Variants in ERICH2 observed in about 807,000 individuals in gnomAD.
ERICH2 encodes glutamate rich 2.
A neutral mutation model predicts 17.4 loss-of-function variants in ERICH2; 17 were observed. The ratio of observed to expected loss-of-function variants is 0.98; its 90% CI spans 0.67 to 1.47. The LOEUF is 1.47. ERICH2 is among the 40% of genes most tolerant of loss of function. The pLI is 0.00. For synonymous variants in ERICH2, 51 were observed against 61.1 expected, an observed-to-expected ratio of 0.83 and a Z score of 0.77; for missense variants, 186 against 183.2, an observed-to-expected ratio of 1.01 and a Z score of -0.09.
chr2:170,794,934 G>C (rs777689568), intron 3 of ERICH2, among the ~76,000 whole-genome samples: 2 of 152,144 alleles, frequency 1.3e-5, no homozygotes, highest in Non-Finnish European at 2.9e-5. Context: ...TTGACCTTTA[G>C]AGCCATTGAA....
chr2:170,790,990 C>T (rs1575410000), intron 2 of ERICH2, among the ~76,000 whole-genome samples: 1 of 151,392 alleles, frequency 6.6e-6, no homozygotes, highest in East Asian at 1.9e-4. Context: ...AAACATAAAA[C>T]AAGAAAAATA....
At chr2:170,795,373 G>A (rs952287684) in intron 3 of ERICH2, among the ~76,000 whole-genome samples, 2 of 151,792 alleles carry the variant, frequency 1.3e-5, no homozygotes, top group South Asian at 2.1e-4. Flanking sequence ...TTTGAGGCAC[G>A]GTCTCACTCT....
upstream of ERICH2, among the ~76,000 whole-genome samples, chr2:170,781,838 G>A (rs1485254201): frequency 8.5e-6 from 1 of 117,792 alleles, no homozygotes; most frequent in Non-Finnish European, 2.0e-5. Context: ...ATGTCCAAGG[G>A]CTAATATTAG....
intron 2 of ERICH2, among the ~76,000 whole-genome samples, chr2:170,789,540 C>T (rs1227414053): frequency 6.6e-6 from 1 of 152,174 alleles, no homozygotes; most frequent in Admixed American, 6.5e-5. Flanking sequence ...AGTTGTTAAG[C>T]ATCTCTTTAT....
At chr2:170,784,517 TAA>T (rs1460613754) in intron 1 of ERICH2, 127 bp from the exon 7 acceptor site, 9 of 505,878 alleles carry the variant, frequency 1.8e-5, no homozygotes, top group Admixed American at 3.8e-5. Context: ...GTTTTGAATA[TAA>T]GTTTGTTATG....
intron 3 of ERICH2, 59 bp downstream of exon 8, chr2:170,792,979 C>G: frequency 9.8e-7 from 1 of 1,015,878 alleles, no homozygotes; most frequent in Admixed American, 2.6e-5. Context: ...AAATGAATTC[C>G]GTAATATATA....
chr2:170,787,693 AAT>A (rs1401707913), intron 2 of ERICH2, among the ~76,000 whole-genome samples: 1 of 152,204 alleles, frequency 6.6e-6, no homozygotes, highest in African/African-American at 2.4e-5. Flanking sequence ...CTCTTTTGAA[AAT>A]TATAGCCACC....
intron 2 of ERICH2, among the ~76,000 whole-genome samples, chr2:170,791,674 A>G (rs929942954): frequency 6.6e-6 from 1 of 151,824 alleles, no homozygotes; most frequent in Non-Finnish European, 1.5e-5. Context: ...TGGGCGACAG[A>G]GCGAGACTCC....
chr2:170,784,635 T>G lies in ERICH2; in HGVS notation c.29-11T>G, dbSNP rs1701109278. The G allele has an allele frequency of 6.8e-7, 1 of 1,461,394 alleles. No homozygotes were observed. The highest frequency in any genetic ancestry group is 9.1e-7 in the Non-Finnish European group (1 of 1,103,134). The allele number at this position is 1,461,394 out of a possible 1,614,324, so 90.5% of individuals were successfully genotyped here. A position where few individuals can be genotyped will look rare whatever the true frequency, so the allele number is the denominator to read the frequency against. On this transcript the variant is annotated splice_polypyrimidine_tract_variant and intron_variant, in intron 1 of 4. Coordinates refer to ENST00000409885, the Ensembl canonical transcript of ERICH2. The stretch of plus-strand genomic sequence containing the variant: ...ATCTCTTTTGATTAAATTAGGTATA[T>G]TCTCTTTTAGGTGAAGTGAGCAAAG...
At chr2:170,774,819 C>T in the ERICH2 span, among the ~76,000 whole-genome samples, 2 of 151,698 alleles carry the variant, frequency 1.3e-5, no homozygotes. Flanking sequence ...TCGGGATCCA[C>T]CTGCCTCAGC....
chr2:170,793,833 T>G (rs1701346917), intron 3 of ERICH2, among the ~76,000 whole-genome samples: 1 of 152,228 alleles, frequency 6.6e-6, no homozygotes, highest in African/African-American at 2.4e-5. Context: ...TGTGGGTTTT[T>G]TGTTGCAGTT....
intron 2 of ERICH2, among the ~76,000 whole-genome samples, chr2:170,788,647 G>A (rs1015027320): frequency 1.3e-4 from 20 of 151,886 alleles, no homozygotes; most frequent in African/African-American, 4.3e-4. Flanking sequence ...AATTTTGTGT[G>A]TGTGTGTTTT....
At chr2:170,771,685 A>G in the ERICH2 span, among the ~76,000 whole-genome samples, 2 of 152,232 alleles carry the variant, frequency 1.3e-5, no homozygotes, top group Admixed American at 6.5e-5. The surrounding 1 kb of genome is among the most constrained non-coding windows in gnomAD (Gnocchi z 4.8). Flanking sequence ...TGCTAGCCAT[A>G]CAAATTTCGA....
the ERICH2 span, chr2:170,771,283 C>G: frequency 1.3e-5 from 2 of 152,776 alleles, no homozygotes; most frequent in African/African-American, 4.8e-5. This position sits in a 1 kb window ranked among gnomAD's most constrained non-coding sequence, Gnocchi z 4.8. Context: ...GACCGGGCGC[C>G]CGAGTCTGCG....
chr2:170,773,239 C>T, the ERICH2 span, among the ~76,000 whole-genome samples: 1 of 152,210 alleles, frequency 6.6e-6, no homozygotes, highest in Non-Finnish European at 1.5e-5. Flanking sequence ...TCAGTGTTAA[C>T]TGTAAACTGA....
chr2:170,792,754 T>A, intron 2 of ERICH2, 109 bp from the exon 8 acceptor site: 1 of 650,248 alleles, frequency 1.5e-6, no homozygotes, highest in South Asian at 2.4e-5. Flanking sequence ...TGGAAAAACA[T>A]GTGGAAGTGT....
the ERICH2 span, chr2:170,775,833 C>T: frequency 1.3e-5 from 2 of 153,286 alleles, no homozygotes; most frequent in Admixed American, 1.3e-4. Context: ...TATTCAGGAG[C>T]ATAAGTCAAT....
At chr2:170,777,486 A>G in the ERICH2 span, 7 of 1,123,014 alleles carry the variant, frequency 6.2e-6, no homozygotes, top group Non-Finnish European at 6.8e-6. Context: ...AAATAGTAAG[A>G]AGACTATTGG....
At chr2:170,774,574 T>TTTTTTTTTTTTG in the ERICH2 span, among the ~76,000 whole-genome samples, 10 of 150,550 alleles carry the variant, frequency 6.6e-5, no homozygotes, top group African/African-American at 2.5e-4. Flanking sequence ...CTTTTTTTTT[T>TTTTTTTTTTTTG]TTTTTTTTTG....
Sources: gnomAD v4.1 joint callset for allele counts (sites outside exome capture counted in the v4.1 genomes callset) on GRCh38, gnomAD v4.1.1 for gene constraint, Gnocchi (gnomAD v3.1) non-coding constraint, MANE v1.5 for transcripts, NCBI Gene and HGNC (gene_info 2026-07-23, HGNC 2026-07-21) for gene names.